GRIK4: variants seen among roughly 807,000 people sequenced by gnomAD.
The protein encoded by GRIK4 is glutamate receptor ionotropic, kainate 4.
In GRIK4, 40 loss-of-function variants were observed where a neutral mutation model predicts 104.9. That is an observed-to-expected ratio of 0.38 (90% CI 0.30 to 0.50). The LOEUF (loss-of-function observed/expected upper bound fraction) is 0.50. Ranked by LOEUF, GRIK4 falls within the 20% of genes least tolerant of loss-of-function variation. The pLI, the probability that GRIK4 is intolerant of heterozygous loss-of-function variation, is 0.93. For missense variants in GRIK4, 1,047 were observed against 1,308.1 expected, an observed-to-expected ratio of 0.80 and a Z score of 3.08; for synonymous variants, 485 against 524.9, an observed-to-expected ratio of 0.92 and a Z score of 1.04.
At chr11:120,675,065 C>T (rs1487466924) in intron 3 of GRIK4, among the ~76,000 whole-genome samples, 2 of 152,234 alleles carry the variant, frequency 1.3e-5, no homozygotes, top group Non-Finnish European at 2.9e-5. Context: ...AAACCTAAAG[C>T]ACTAAAGGAA....
intron 3 of GRIK4, among the ~76,000 whole-genome samples, chr11:120,736,910 T>C (rs922233175): frequency 6.6e-6 from 1 of 152,076 alleles, no homozygotes; most frequent in African/African-American, 2.4e-5. Context: ...CAGGGCATCT[T>C]GGAGAAATGG....
At chr11:120,678,325 G>C (rs1179709873) in intron 3 of GRIK4, among the ~76,000 whole-genome samples, 1 of 152,196 alleles carries the variant, frequency 6.6e-6, no homozygotes, top group Non-Finnish European at 1.5e-5. Flanking sequence ...GGCACCGTTA[G>C]GTTAAAATTG....
intron 1 of GRIK4, among the ~76,000 whole-genome samples, chr11:120,519,494 T>C (rs1434632343): frequency 6.6e-6 from 1 of 152,194 alleles, no homozygotes; most frequent in Non-Finnish European, 1.5e-5. Context: ...CGACACTGAA[T>C]CTGCCAGCAC....
At chr11:120,850,346 TC>T (rs1225386364) in intron 8 of GRIK4, among the ~76,000 whole-genome samples, 7 of 152,116 alleles carry the variant, frequency 4.6e-5, no homozygotes, top group African/African-American at 1.7e-4. Flanking sequence ...TTGGGGGTCA[TC>T]TTAGAATCCT....
chr11:120,865,818 GAA>G (rs1592005245), intron 9 of GRIK4, among the ~76,000 whole-genome samples: 1 of 152,194 alleles, frequency 6.6e-6, no homozygotes, highest in East Asian at 1.9e-4. Context: ...GATTTGTGAA[GAA>G]AATAGGTTTA....
Position 120,700,204 on chromosome 11 carries a change from G to A in GRIK4, c.82+39804G>A, listed in dbSNP as rs537707468. ...CTACTATAGTTACGTGCCACATCAT[G>A]ATGTTTCCATCCACAAATGGCCACA... is the stretch of plus-strand genomic sequence containing the variant. On this transcript the variant is annotated intron_variant, in intron 3 of 20. Transcript: ENST00000527524. Among the ~76,000 whole-genome samples, 7 of 151,108 alleles carry A rather than the reference G, an allele frequency of 4.6e-5. No individual in the cohort carries two copies. The South Asian group carries it at 1.5e-3, about 32-fold the overall frequency.
chr11:120,938,885 C>A (rs1226355202), intron 13 of GRIK4, among the ~76,000 whole-genome samples: 1 of 152,174 alleles, frequency 6.6e-6, no homozygotes, highest in African/African-American at 2.4e-5. Context: ...AAAATCTGAT[C>A]CAGGAAGTCT....
At chr11:120,827,832 C>G (rs1256997426) in intron 6 of GRIK4, among the ~76,000 whole-genome samples, 1 of 152,194 alleles carries the variant, frequency 6.6e-6, no homozygotes, top group South Asian at 2.1e-4. Flanking sequence ...GGGCTTTGGT[C>G]TTTCCTTGAC....
intron 3 of GRIK4, among the ~76,000 whole-genome samples, chr11:120,792,678 GC>G: frequency 6.6e-6 from 1 of 152,280 alleles, no homozygotes; most frequent in African/African-American, 2.4e-5. Context: ...TTGGGTGAAG[GC>G]ACGATGCCTG....
At chr11:120,980,840 T>G (rs1591356317) in intron 19 of GRIK4, among the ~76,000 whole-genome samples, 1 of 151,610 alleles carries the variant, frequency 6.6e-6, no homozygotes, top group East Asian at 2.0e-4. Context: ...GCTACTGCAC[T>G]GTGTTATTTT....
In GRIK4 at chr11:120,900,807, T is replaced by C. The variant is rs532728193; in HGVS notation, c.1272+2168T>C. Among the ~76,000 whole-genome samples the C allele has an allele frequency of 2.0e-5, 3 of 152,258 alleles. No individual in the cohort carries two copies. In the South Asian group the frequency reaches 6.2e-4, roughly 32 times the overall value. On this transcript the variant is annotated intron_variant, in intron 12 of 20. Coordinates refer to ENST00000527524, the MANE Select transcript of GRIK4 (RefSeq NM_014619.5). Reference sequence around the variant, plus strand: ...GCCCCCAGGGTTTCACCCACGCCCATCTCTGCTCAGCCTTAGCTTATCTGA... The same window carrying C: ...GCCCCCAGGGTTTCACCCACGCCCACCTCTGCTCAGCCTTAGCTTATCTGA...
intron 13 of GRIK4, among the ~76,000 whole-genome samples, chr11:120,906,875 G>C (rs1039320134): frequency 2.0e-5 from 3 of 152,214 alleles, no homozygotes; most frequent in Non-Finnish European, 2.9e-5. Context: ...GTCCAGAGAG[G>C]GCTGGTTCAG....
At chr11:120,736,067 A>G (rs1951216152) in intron 3 of GRIK4, among the ~76,000 whole-genome samples, 1 of 151,550 alleles carries the variant, frequency 6.6e-6, no homozygotes, top group Non-Finnish European at 1.5e-5. Flanking sequence ...TACATCTTAG[A>G]GTCTCACCCA....
At chr11:120,517,075 G>A (rs779229675) in intron 1 of GRIK4, among the ~76,000 whole-genome samples, 1 of 148,690 alleles carries the variant, frequency 6.7e-6, no homozygotes, top group Non-Finnish European at 1.5e-5. Flanking sequence ...CGGTACCCTC[G>A]TGTCTGATAT....
intron 13 of GRIK4, among the ~76,000 whole-genome samples, chr11:120,911,738 A>G (rs1027680016): frequency 1.3e-5 from 2 of 149,914 alleles, no homozygotes; most frequent in Non-Finnish European, 3.0e-5. Flanking sequence ...GCTACTCAGG[A>G]GGCTGAAGCA....
chr11:120,537,656 C>T (rs986447038), intron 1 of GRIK4, among the ~76,000 whole-genome samples: 3 of 152,206 alleles, frequency 2.0e-5, no homozygotes, highest in African/African-American at 2.4e-5. Flanking sequence ...GCCTATGTAG[C>T]GGGCGATCAT....
intron 14 of GRIK4, among the ~76,000 whole-genome samples, chr11:120,951,244 G>A (rs1425041108): frequency 6.6e-6 from 1 of 152,202 alleles, no homozygotes; most frequent in East Asian, 1.9e-4. Context: ...TCCAGAAGAG[G>A]AGCGGAAAAT....
chr11:120,862,066 C>A lies in GRIK4; in HGVS notation c.852C>A (p.Ser284Arg). 6.2e-7 allele frequency: 1 copy of A among 1,614,144 alleles called. No homozygotes were observed. Among genetic ancestry groups the A allele is most frequent in the South Asian group, 1.1e-5 (1 of 91,074 alleles). ...SHAFFQEFAQ[S>R]LNQSWQENCD... ...CTTTCTTCCAAGAGTTTGCCCAGAG[C>A]CTCAACCAGTCCTGGCAGGAGAACT... Residue 284 changes from serine (S) to arginine (R), a missense_variant, in exon 9 of 21, where the codon AGC becomes AGA. Physicochemically the swap from Ser to Arg is moderately radical, Grantham distance 110. Coordinates refer to ENST00000527524, the MANE Select transcript of GRIK4 (RefSeq NM_014619.5).
At chr11:120,599,959 T>C (rs1016579436) in intron 1 of GRIK4, among the ~76,000 whole-genome samples, 13 of 152,196 alleles carry the variant, frequency 8.5e-5, no homozygotes, top group Admixed American at 8.5e-4. Context: ...CATTAGAGGC[T>C]GGTTTTAGGT....
Sources: gnomAD v4.1 joint callset for allele counts (sites outside exome capture counted in the v4.1 genomes callset) on GRCh38, gnomAD v4.1.1 for gene constraint, MANE v1.5 for transcripts, NCBI Gene and HGNC (gene_info 2026-07-23, HGNC 2026-07-21) for gene names.